ACTR6: variants seen among roughly 807,000 people sequenced by gnomAD.
ACTR6 encodes the protein actin related protein 6, also known as actin-related protein 6.
In ACTR6, 50 loss-of-function variants were observed where a neutral mutation model predicts 52.5. The observed-to-expected ratio is 0.95, with a 90% CI of 0.76 to 1.20. ACTR6 has a LOEUF of 1.20. Ranked by LOEUF, ACTR6 falls within the 50% of genes most tolerant of loss-of-function variation. The probability of loss-of-function intolerance (pLI) is 0.00; values close to 1 mark genes in which losing one functional copy is unlikely to be tolerated. For synonymous variants in ACTR6, 135 were observed against 147.2 expected, an observed-to-expected ratio of 0.92 and a Z score of 0.60; for missense variants, 344 against 472.4, an observed-to-expected ratio of 0.73 and a Z score of 2.52.
intron 10 of ACTR6, among the ~76,000 whole-genome samples, chr12:100,222,980 C>CCTAGTTCCAGCCTAAATT (rs1287473907): frequency 5.3e-5 from 8 of 152,162 alleles, no homozygotes; most frequent in Non-Finnish European, 8.8e-5. Context: ...TGAGTTAAAT[C>CCTAGTTCCAGCCTAAATT]CTAGTTCCAG....
intron 1 of ACTR6, among the ~76,000 whole-genome samples, chr12:100,201,532 C>CT (rs1249940319): frequency 3.9e-5 from 6 of 152,202 alleles, no homozygotes; most frequent in Admixed American, 1.3e-4. Flanking sequence ...AAAAAAAATT[C>CT]TTTCCTTCCT....
At position 100,205,758 on chromosome 12, in the gene ACTR6, G is replaced by GT; in HGVS notation, c.255+15dup. ...GAAATGTATCAGGTAACAAATTAGA[G>GT]TATGTATTAAAATTCTATTTCCATG... On this transcript the variant is annotated intron_variant, in intron 3 of 10. Coordinates refer to ENST00000188312, the MANE Select transcript of ACTR6 (RefSeq NM_022496.5). 1 of 1,406,208 alleles carries GT rather than the reference G, an allele frequency of 7.1e-7. No homozygotes were observed. The highest frequency in any genetic ancestry group is 9.5e-7 in the Non-Finnish European group (1 of 1,050,964). 87.1% of individuals were successfully genotyped at this position (1,406,208 alleles called of 1,614,324 possible). A position where few individuals can be genotyped will look rare whatever the true frequency, so the allele number is the denominator to read the frequency against.
intron 10 of ACTR6, among the ~76,000 whole-genome samples, chr12:100,223,186 A>G (rs2096129670): frequency 6.6e-6 from 1 of 152,082 alleles, no homozygotes. Context: ...AAAAATACAA[A>G]AAAAATTAGC....
intron 8 of ACTR6, among the ~76,000 whole-genome samples, chr12:100,213,429 T>C (rs575389091): frequency 7.1e-4 from 108 of 152,268 alleles, no homozygotes; most frequent in Admixed American, 4.1e-3. Context: ...CTGCTGGCCA[T>C]TTCACCCGGC....
intron 6 of ACTR6, among the ~76,000 whole-genome samples, chr12:100,210,874 T>C (rs1407142238): frequency 2.0e-5 from 3 of 152,274 alleles, no homozygotes; most frequent in East Asian, 3.9e-4. Flanking sequence ...ATCCCTTTGC[T>C]CCCCTATGTG....
At chr12:100,203,314 A>AT (rs1028222157) in intron 1 of ACTR6, among the ~76,000 whole-genome samples, 2 of 151,852 alleles carry the variant, frequency 1.3e-5, no homozygotes, top group Non-Finnish European at 2.9e-5. Context: ...AATTTATTTT[A>AT]TTTTTTTGAG....
chr12:100,214,950 T>A (rs575415583), intron 8 of ACTR6, among the ~76,000 whole-genome samples: 3 of 152,256 alleles, frequency 2.0e-5, no homozygotes, highest in Non-Finnish European at 4.4e-5. Context: ...CCCCAAACAT[T>A]TAAATACCAA....
chr12:100,215,543 C>T (rs2096123310), intron 8 of ACTR6, among the ~76,000 whole-genome samples: 1 of 152,158 alleles, frequency 6.6e-6, no homozygotes, highest in African/African-American at 2.4e-5. Flanking sequence ...GCTTCATTTA[C>T]TCAGGATACA....
chr12:100,208,566 C>T (rs1053155130), intron 4 of ACTR6, among the ~76,000 whole-genome samples: 2 of 152,240 alleles, frequency 1.3e-5, no homozygotes, highest in South Asian at 2.1e-4. Context: ...TGAGCCACTG[C>T]GCAAGTTTTG....
chr12:100,224,046 G>T lies in ACTR6; in HGVS notation c.*131G>T, dbSNP rs2096130379. The T allele has an allele frequency of 1.9e-6, 2 of 1,072,236 alleles. No homozygotes were observed. The highest frequency in any genetic ancestry group is 2.6e-6 in the Non-Finnish European group (2 of 781,096). 66.4% of individuals were successfully genotyped at this position (1,072,236 alleles called of 1,614,324 possible). A position where few individuals can be genotyped will look rare whatever the true frequency, so the allele number is the denominator to read the frequency against. ...ATTTATGTAAATACTTTGATCGATT[G>T]CTAATTTTCAAAGGCTTCTTAGGTA... On this transcript the variant is annotated 3_prime_UTR_variant, in exon 11 of 11. Coordinates refer to ENST00000188312, the MANE Select transcript of ACTR6 (RefSeq NM_022496.5).
intron 4 of ACTR6, among the ~76,000 whole-genome samples, chr12:100,208,421 G>A (rs185448994): frequency 4.0e-5 from 6 of 150,676 alleles, no homozygotes; most frequent in Non-Finnish European, 7.4e-5. Flanking sequence ...GATTACAGGC[G>A]TTCGCCACCA....
Position 100,212,527 on chromosome 12 carries a change from A to C in ACTR6, c.749A>C (p.Lys250Thr). Reference protein sequence around the residue: ...DFSTIKKGFCKPREEMVLSGK... With the variant: ...DFSTIKKGFCTPREEMVLSGK... Reference sequence around the variant, plus strand: ...AGTACAATTAAAAAGGGCTTTTGTAAGGTAATTTTTAAAAACCATCAATGG... The same window carrying C: ...AGTACAATTAAAAAGGGCTTTTGTACGGTAATTTTTAAAAACCATCAATGG... Residue 250 changes from lysine to threonine, a missense_variant and splice_region_variant, in exon 8 of 11, where the codon AAG becomes ACG. Lys to Thr is a moderately conservative substitution (Grantham distance 78). Coordinates refer to ENST00000188312, the MANE Select transcript of ACTR6 (RefSeq NM_022496.5). 6.2e-7 allele frequency: 1 copy of C among 1,611,170 alleles called. No homozygotes were observed. Among genetic ancestry groups the C allele is most frequent in the Non-Finnish European group, 8.5e-7 (1 of 1,177,398 alleles).
At chr12:100,206,966 A>G (rs2096115373) in intron 3 of ACTR6, among the ~76,000 whole-genome samples, 1 of 151,566 alleles carries the variant, frequency 6.6e-6, no homozygotes, top group African/African-American at 2.4e-5. Flanking sequence ...AAGCTGAGCC[A>G]TCGTGCCTGA....
At chr12:100,222,410 C>T (rs990049246) in intron 10 of ACTR6, among the ~76,000 whole-genome samples, 2 of 150,932 alleles carry the variant, frequency 1.3e-5, no homozygotes, top group African/African-American at 4.9e-5. Context: ...GCATGAGCCA[C>T]CATGCCTGGC....
In ACTR6 at chr12:100,210,291, G is replaced by A. The variant is rs188894262; in HGVS notation, c.516-4G>A. 25 of 1,613,850 alleles carry A rather than the reference G, an allele frequency of 1.5e-5. No homozygotes were observed. Among genetic ancestry groups the A allele is most frequent in the African/African-American group, 5.3e-5 (4 of 75,040 alleles). ...ATAATTAAATTTGAGTTCTCCCCTT[G>A]CAGGATAAATGTGGGAGGAAAACTC... On this transcript the variant is annotated splice_region_variant and splice_polypyrimidine_tract_variant and intron_variant, in intron 5 of 10. Transcript: ENST00000188312.
intron 8 of ACTR6, among the ~76,000 whole-genome samples, chr12:100,213,021 A>AT (rs993849171): frequency 3.3e-5 from 5 of 151,730 alleles, no homozygotes; most frequent in African/African-American, 1.2e-4. Flanking sequence ...AAAAAAAAAA[A>AT]AAAAAAAGAA....
chr12:100,202,057 A>G (rs2096110204), intron 1 of ACTR6, among the ~76,000 whole-genome samples: 1 of 150,758 alleles, frequency 6.6e-6, no homozygotes, highest in Non-Finnish European at 1.5e-5. Context: ...TCAGCCTCCC[A>G]AGTAGCTGGG....
chr12:100,216,401 A>G (rs1332594970), intron 8 of ACTR6, among the ~76,000 whole-genome samples: 1 of 152,240 alleles, frequency 6.6e-6, no homozygotes, highest in Non-Finnish European at 1.5e-5. Context: ...CCTGGGCCCA[A>G]GTGATCCTCC....
chr12:100,206,443 ATTC>A lies in ACTR6; in HGVS notation c.255+700_255+702del. 1.3e-5 allele frequency among the ~76,000 whole-genome samples: 2 copies of A among 152,348 alleles called. 1 individual carries two copies. On this transcript the variant is annotated intron_variant, in intron 3 of 10. Coordinates refer to ENST00000188312, the MANE Select transcript of ACTR6 (RefSeq NM_022496.5). ...CAGTAAGCCGAGATTGCACTACTGG[ATTC>A]CAGCCTGGGTAAGACTATGTCTCAA...
Sources: gnomAD v4.1 joint callset for allele counts (sites outside exome capture counted in the v4.1 genomes callset) on GRCh38, gnomAD v4.1.1 for gene constraint, MANE v1.5 for transcripts, NCBI Gene and HGNC (gene_info 2026-07-23, HGNC 2026-07-21) for gene names.